ADAMTS6: variants seen among roughly 807,000 people sequenced by gnomAD.
ADAMTS6 encodes ADAM metallopeptidase with thrombospondin type 1 motif 6, also known as A disintegrin and metalloproteinase with thrombospondin motifs 6.
A neutral mutation model predicts 144.3 loss-of-function variants in ADAMTS6; 23 were observed. The observed-to-expected ratio is 0.16, with a 90% CI of 0.11 to 0.23. ADAMTS6 has a LOEUF of 0.23. ADAMTS6 is among the 10% of genes least tolerant of loss of function. The pLI is 1.00. For missense variants in ADAMTS6, 999 were observed against 1,379.6 expected (o/e 0.72, Z 4.37); for synonymous variants, 444 against 457.5 (o/e 0.97, Z 0.38).
rs778016771 is a variant in ADAMTS6 at position 65,329,493 on chromosome 5, C to T, written c.1118-10G>A. 6.2e-7 allele frequency: 1 copy of T among 1,602,540 alleles called. No individual in the cohort carries two copies. Among genetic ancestry groups the T allele is most frequent in the Non-Finnish European group, 8.5e-7 (1 of 1,175,626 alleles). Reference sequence around the variant, plus strand: ...GCCACAGAGGCCAAGCCTGAATAAACAGAAAGAGACACAAAGGGTCAAGCC... The same window carrying T: ...GCCACAGAGGCCAAGCCTGAATAAATAGAAAGAGACACAAAGGGTCAAGCC... On this transcript the variant is annotated splice_polypyrimidine_tract_variant and intron_variant, in intron 8 of 24. Coordinates refer to ENST00000381055, the MANE Select transcript of ADAMTS6 (RefSeq NM_197941.4).
chr5:65,428,684 T>A (rs757714259), intron 7 of ADAMTS6, among the ~76,000 whole-genome samples: 1 of 152,196 alleles, frequency 6.6e-6, no homozygotes, highest in East Asian at 1.9e-4. Flanking sequence ...GGGACCCTGA[T>A]ACACAACAAA....
intron 9 of ADAMTS6, among the ~76,000 whole-genome samples, chr5:65,328,751 T>A (rs1746419702): frequency 6.9e-6 from 1 of 145,434 alleles, no homozygotes. Flanking sequence ...TTGTTTAAAA[T>A]TTTAAAAATG....
intron 7 of ADAMTS6, among the ~76,000 whole-genome samples, chr5:65,336,745 T>C (rs1747343266): frequency 6.6e-6 from 1 of 152,136 alleles, no homozygotes; most frequent in South Asian, 2.1e-4. Flanking sequence ...TTTATATTTA[T>C]AATGGAATTT....
At chr5:65,453,606 C>T (rs1422233065) in intron 4 of ADAMTS6, among the ~76,000 whole-genome samples, 1 of 152,158 alleles carries the variant, frequency 6.6e-6, no homozygotes, top group African/African-American at 2.4e-5. Context: ...GCATGGATTG[C>T]AATGTATCCT....
intron 14 of ADAMTS6, among the ~76,000 whole-genome samples, chr5:65,249,961 C>G (rs1372267413): frequency 2.0e-5 from 3 of 151,948 alleles, no homozygotes; most frequent in Non-Finnish European, 4.4e-5. Context: ...TGACCCAATT[C>G]TTTCAGAAAA....
intron 7 of ADAMTS6, among the ~76,000 whole-genome samples, chr5:65,344,531 G>C (rs1352469804): frequency 6.6e-6 from 1 of 151,850 alleles, no homozygotes; most frequent in Non-Finnish European, 1.5e-5. Context: ...TATGGATGTA[G>C]AAAAGTGTAA....
At chr5:65,472,754 T>C (rs957162448) in intron 2 of ADAMTS6, among the ~76,000 whole-genome samples, 4 of 152,210 alleles carry the variant, frequency 2.6e-5, no homozygotes, top group Non-Finnish European at 5.9e-5. Context: ...AAGACAGTGT[T>C]TATTTCACTT....
intron 22 of ADAMTS6, among the ~76,000 whole-genome samples, chr5:65,179,956 G>GCACACA (rs567959273): frequency 4.2e-5 from 6 of 142,286 alleles, no homozygotes; most frequent in African/African-American, 1.7e-4. Flanking sequence ...GTGCACGCAC[G>GCACACA]CGCACACACA....
intron 9 of ADAMTS6, among the ~76,000 whole-genome samples, chr5:65,321,322 T>C (rs1439706486): frequency 6.6e-6 from 1 of 152,124 alleles, no homozygotes; most frequent in Non-Finnish European, 1.5e-5. Flanking sequence ...TTTTTTTTCA[T>C]ATATGTATGT....
chr5:65,194,367 T>G (rs1580010960), intron 21 of ADAMTS6, among the ~76,000 whole-genome samples: 2 of 152,346 alleles, frequency 1.3e-5, no homozygotes, highest in East Asian at 3.9e-4. Context: ...CCCAGTCAGC[T>G]ACGCTATCAT....
chr5:65,164,121 G>A (rs568101795), intron 24 of ADAMTS6, among the ~76,000 whole-genome samples: 41 of 152,190 alleles, frequency 2.7e-4, no homozygotes, highest in East Asian at 2.1e-3. Flanking sequence ...CTGAGGTACC[G>A]GGTTAATCTC....
At chr5:65,362,210 A>ATCTT (rs1749895557) in intron 7 of ADAMTS6, among the ~76,000 whole-genome samples, 1 of 152,208 alleles carries the variant, frequency 6.6e-6, no homozygotes, top group Admixed American at 6.5e-5. Flanking sequence ...GGCTGAAAAG[A>ATCTT]ACATGAAGTT....
intron 7 of ADAMTS6, among the ~76,000 whole-genome samples, chr5:65,382,019 ATAGC>A (rs1162293722): frequency 6.6e-6 from 1 of 152,220 alleles, no homozygotes; most frequent in Non-Finnish European, 1.5e-5. Flanking sequence ...AGAAGAGTAG[ATAGC>A]TAGCAGCTCC....
chr5:65,426,340 T>G (rs1461957548), intron 7 of ADAMTS6, among the ~76,000 whole-genome samples: 1 of 151,568 alleles, frequency 6.6e-6, no homozygotes, highest in Non-Finnish European at 1.5e-5. Context: ...ATTACAGGTG[T>G]GAGCCATGGT....
chr5:65,319,739 G>GGAAGGGAGGGAGGGAA (rs1745392755), intron 9 of ADAMTS6, among the ~76,000 whole-genome samples: 2 of 65,588 alleles, frequency 3.0e-5, no homozygotes, highest in Non-Finnish European at 5.4e-5. Context: ...GAGGGAGGGA[G>GGAAGGGAGGGAGGGAA]GGAAGGAAGG....
intron 15 of ADAMTS6, 83 bp from the exon 16 acceptor site, chr5:65,226,302 A>G: frequency 7.1e-7 from 1 of 1,412,552 alleles, no homozygotes; most frequent in Non-Finnish European, 9.7e-7. Context: ...GCAAATTTAT[A>G]ATTCACGTAG....
chr5:65,414,108 G>A (rs1396763028), intron 7 of ADAMTS6, among the ~76,000 whole-genome samples: 2 of 152,040 alleles, frequency 1.3e-5, no homozygotes, highest in Non-Finnish European at 2.9e-5. Context: ...AGAAAGAGGC[G>A]GGAATCCATG....
intron 22 of ADAMTS6, among the ~76,000 whole-genome samples, chr5:65,184,160 A>T (rs1231134219): frequency 6.6e-6 from 1 of 152,276 alleles, no homozygotes; most frequent in East Asian, 1.9e-4. Context: ...GGTGACTTTT[A>T]TGAGGGATGC....
At chr5:65,404,955 G>A (rs532449076) in intron 7 of ADAMTS6, among the ~76,000 whole-genome samples, 5,895 of 152,258 alleles carry the variant, frequency 0.039, 409 homozygotes, top group African/African-American at 0.13. Flanking sequence ...TTTGAGAAGT[G>A]TCTGTTCATA....
Sources: allele counts gnomAD v4.1 joint callset (sites outside exome capture counted in the v4.1 genomes callset), GRCh38; gene constraint gnomAD v4.1.1; transcripts MANE v1.5; gene names NCBI Gene and HGNC (gene_info 2026-07-23, HGNC 2026-07-21).